GDPD1: variants seen among roughly 807,000 people sequenced by gnomAD.
The protein encoded by GDPD1 is lysophospholipase D GDPD1.
Under a neutral mutation model 45.1 loss-of-function variants are expected in GDPD1, and 28 were observed. The ratio of observed to expected loss-of-function variants is 0.62; its 90% CI spans 0.46 to 0.85. GDPD1 has a LOEUF of 0.85. Among genes scored for constraint, GDPD1 ranks in the 40% least tolerant of loss-of-function variants. The pLI is 0.00. For missense variants in GDPD1, 256 were observed against 364.8 expected (o/e 0.70, Z 2.43); for synonymous variants, 139 against 131.4 (o/e 1.06, Z -0.40).
chr17:59,248,901 A>T, intron 4 of GDPD1, 116 bp downstream of exon 4: 1 of 670,546 alleles, frequency 1.5e-6, no homozygotes, highest in Non-Finnish European at 2.6e-6. Flanking sequence ...CCTCAGGCCT[A>T]CAAATCTGAA....
intron 4 of GDPD1, among the ~76,000 whole-genome samples, chr17:59,252,715 A>G (rs1197081299): frequency 6.6e-6 from 1 of 150,466 alleles, no homozygotes; most frequent in East Asian, 2.0e-4. Flanking sequence ...AATACGCTGA[A>G]TTGGCCTGGT....
chr17:59,221,235 T>C (rs943160749), intron 1 of GDPD1, among the ~76,000 whole-genome samples: 9 of 151,922 alleles, frequency 5.9e-5, no homozygotes, highest in Non-Finnish European at 1.2e-4. Context: ...CTGGACGAGC[T>C]GTAACCCCTT....
At chr17:59,248,835 G>T (rs1597977302) in intron 4 of GDPD1, 50 bp downstream of exon 4, 2 of 1,315,686 alleles carry the variant, frequency 1.5e-6, no homozygotes, top group East Asian at 2.4e-5. Flanking sequence ...AAGCATATGT[G>T]TGTTTTCTTG....
chr17:59,256,458 A>AGAAG (rs1444985258), intron 4 of GDPD1, among the ~76,000 whole-genome samples: 1 of 152,200 alleles, frequency 6.6e-6, no homozygotes, highest in African/African-American at 2.4e-5. Flanking sequence ...ATAATTCTTC[A>AGAAG]ACACATTACT....
At chr17:59,258,609 A>G (rs1363363163) in intron 6 of GDPD1, among the ~76,000 whole-genome samples, 1 of 152,122 alleles carries the variant, frequency 6.6e-6, no homozygotes, top group Non-Finnish European at 1.5e-5. Flanking sequence ...TACTGGGTGG[A>G]AGCAACTAGC....
chr17:59,257,278 C>A, intron 5 of GDPD1, 38 bp downstream of exon 5: 1 of 1,029,408 alleles, frequency 9.7e-7, no homozygotes, highest in South Asian at 1.4e-5. Flanking sequence ...GTGTTGCATC[C>A]TATTTCACAA....
intron 6 of GDPD1, among the ~76,000 whole-genome samples, chr17:59,266,276 T>C (rs544885715): frequency 6.6e-6 from 1 of 151,324 alleles, no homozygotes; most frequent in East Asian, 2.0e-4. Context: ...TAATCTTAGC[T>C]ACTTGGGGGG....
intron 6 of GDPD1, among the ~76,000 whole-genome samples, chr17:59,259,902 A>G (rs936187474): frequency 2.0e-5 from 3 of 150,920 alleles, no homozygotes; most frequent in African/African-American, 7.3e-5. Context: ...CTCTACTAAA[A>G]ATACAAAAAC....
intron 1 of GDPD1, 72 bp downstream of exon 1, chr17:59,220,823 C>A: frequency 2.0e-6 from 3 of 1,526,410 alleles, no homozygotes; most frequent in Non-Finnish European, 1.8e-6. Flanking sequence ...CCGCAAAAGG[C>A]AGCCGGGTGC....
intron 6 of GDPD1, among the ~76,000 whole-genome samples, chr17:59,263,812 G>T (rs2047378064): frequency 6.6e-6 from 1 of 151,844 alleles, no homozygotes; most frequent in Non-Finnish European, 1.5e-5. Flanking sequence ...TGATTTATAA[G>T]AATTTTACAT....
chr17:59,266,626 A>G (rs1251608981), intron 6 of GDPD1, among the ~76,000 whole-genome samples: 1 of 152,158 alleles, frequency 6.6e-6, no homozygotes, highest in African/African-American at 2.4e-5. Context: ...ATTGATATGT[A>G]TCTATATATA....
At chr17:59,273,625 A>C in intron 9 of GDPD1, 26 bp from the exon 10 acceptor site, 2 of 1,305,326 alleles carry the variant, frequency 1.5e-6, no homozygotes, top group Non-Finnish European at 2.1e-6. Flanking sequence ...ATTTCTTCTC[A>C]TACTTCTCAC....
intron 1 of GDPD1, among the ~76,000 whole-genome samples, chr17:59,229,921 C>G (rs969084109): frequency 1.3e-5 from 2 of 152,150 alleles, no homozygotes; most frequent in African/African-American, 2.4e-5. Flanking sequence ...CCCCATGATG[C>G]CCTACATGGT....
intron 1 of GDPD1, among the ~76,000 whole-genome samples, chr17:59,230,477 G>A (rs2047081127): frequency 1.4e-5 from 2 of 147,204 alleles, no homozygotes; most frequent in Admixed American, 1.4e-4. Context: ...CCGCCTCCCG[G>A]GTTCAAGCGA....
At chr17:59,253,358 A>G (rs2047270597) in intron 4 of GDPD1, among the ~76,000 whole-genome samples, 1 of 152,126 alleles carries the variant, frequency 6.6e-6, no homozygotes, top group Non-Finnish European at 1.5e-5. Flanking sequence ...TGGCTGAGGC[A>G]TCTAATTTAT....
At chr17:59,260,021 A>G (rs1211291009) in intron 6 of GDPD1, among the ~76,000 whole-genome samples, 1 of 125,386 alleles carries the variant, frequency 8.0e-6, no homozygotes, top group Non-Finnish European at 1.6e-5. Flanking sequence ...AGATCCTGCC[A>G]CTGCACTCCA....
chr17:59,231,997 G>A (rs2047094134), intron 1 of GDPD1, among the ~76,000 whole-genome samples: 1 of 152,080 alleles, frequency 6.6e-6, no homozygotes. Flanking sequence ...GGAAATCAGT[G>A]AATAAAGATA....
chr17:59,231,657 CAG>C (rs1306334644), intron 1 of GDPD1, among the ~76,000 whole-genome samples: 10 of 151,820 alleles, frequency 6.6e-5, no homozygotes, highest in Non-Finnish European at 1.5e-4. Context: ...CAGTGATAAA[CAG>C]AGGTGTGGGT....
Position 59,257,180 on chromosome 17 carries a change from C to T in GDPD1, c.426C>T (p.Ala142=), listed in dbSNP as rs1226821183. 6.2e-7 allele frequency: 1 copy of T among 1,608,252 alleles called. No homozygotes were observed. The highest frequency in any genetic ancestry group is 1.7e-5 in the Admixed American group (1 of 59,202). ...CATTACTGAAGGAAGTTTTTGAGGC[C>T]TTTCCTAACACTCCCATTAACATCG... ...RIPLLKEVFE[A]FPNTPINIDI... Residue 142 remains alanine, a synonymous_variant, in exon 5 of 10, where the codon GCC becomes GCT. Coordinates refer to ENST00000284116, the MANE Select transcript of GDPD1 (RefSeq NM_182569.4).
Sources: gnomAD v4.1 joint callset for allele counts (sites outside exome capture counted in the v4.1 genomes callset) on GRCh38, gnomAD v4.1.1 for gene constraint, MANE v1.5 for transcripts, NCBI Gene and HGNC (gene_info 2026-07-23, HGNC 2026-07-21) for gene names.